Variants in NBR1 observed in about 807,000 individuals in gnomAD.
NBR1 encodes the protein next to BRCA1 gene 1 protein.
A neutral mutation model predicts 115.5 loss-of-function variants in NBR1; 59 were observed. The observed-to-expected ratio is 0.51, with a 90% CI of 0.41 to 0.63. The LOEUF (loss-of-function observed/expected upper bound fraction) is 0.63. Among genes scored for constraint, NBR1 ranks in the 30% least tolerant of loss-of-function variants. The pLI, the probability that NBR1 is intolerant of heterozygous loss-of-function variation, is 0.00. For synonymous variants in NBR1, 373 were observed against 414.7 expected (o/e 0.90, Z 1.22); for missense variants, 1,043 against 1,150.5 (o/e 0.91, Z 1.35).
chr17:43,194,978 T>C lies in NBR1; in HGVS notation c.1689T>C (p.Phe563=). 1 of 1,610,824 alleles carries C rather than the reference T, an allele frequency of 6.2e-7. No individual in the cohort carries two copies. Among genetic ancestry groups the C allele is most frequent in the Non-Finnish European group, 8.5e-7 (1 of 1,177,048 alleles). Residue 563 remains phenylalanine (F), a synonymous_variant, in exon 14 of 21, where the codon TTT becomes TTC. Transcript: ENST00000590996. The part of the protein sequence containing the change: ...DLLTAQDLLS[F]ELLDINIVQE... ...TTTTTTTATAGGACCTGCTGTCCTT[T>C]GAGCTGTTGGATATAAACATTGTTC...
In NBR1 at chr17:43,203,746, C is replaced by T. The variant is rs1480082037; in HGVS notation, c.2687C>T (p.Ala896Val). Residue 896 changes from alanine to valine, a missense_variant, in exon 20 of 21, where the codon GCA (alanine) becomes GTA (valine). Coordinates refer to ENST00000590996, the MANE Select transcript of NBR1 (RefSeq NM_005899.5). ...GGGGCTTTGTCTGTTGCTGCCTCTG[C>T]ATACAAGGCCCTGTTTGCTGGGCCA... Reference protein sequence around the residue: ...VKGALSVAASAYKALFAGPPV... With the variant: ...VKGALSVAASVYKALFAGPPV... The T allele has an allele frequency of 2.4e-5, 39 of 1,606,654 alleles. No individual in the cohort carries two copies. Among genetic ancestry groups the T allele is most frequent in the Non-Finnish European group, 3.3e-5 (39 of 1,176,352 alleles).
chr17:43,175,377 A>T (rs1486875608), intron 1 of NBR1, among the ~76,000 whole-genome samples: 2 of 152,204 alleles, frequency 1.3e-5, no homozygotes, highest in African/African-American at 4.8e-5. Context: ...ATGTCCTGCT[A>T]CTAGTAAGTA....
intron 16 of NBR1, among the ~76,000 whole-genome samples, chr17:43,198,425 C>T (rs891792295): frequency 6.6e-6 from 1 of 151,232 alleles, no homozygotes; most frequent in Non-Finnish European, 1.5e-5. Flanking sequence ...GAGGCCGAGG[C>T]GGACAGATCA....
chr17:43,174,233 C>T (rs1190930648), intron 1 of NBR1, among the ~76,000 whole-genome samples: 1 of 152,052 alleles, frequency 6.6e-6, no homozygotes, highest in South Asian at 2.1e-4. Flanking sequence ...AAGAAGCTAG[C>T]TTATGGGTCC....
At chr17:43,191,846 G>A (rs2056954401) in intron 10 of NBR1, among the ~76,000 whole-genome samples, 1 of 151,886 alleles carries the variant, frequency 6.6e-6, no homozygotes, top group South Asian at 2.1e-4. Flanking sequence ...TCAGCCTCCT[G>A]AGTAGCTGGG....
intron 20 of NBR1, 132 bp downstream of exon 20, chr17:43,203,918 C>T (rs957036195): frequency 3.4e-5 from 16 of 467,756 alleles, no homozygotes; most frequent in Non-Finnish European, 6.0e-5. Context: ...CTTTAGTTAA[C>T]ACACAACACA....
In NBR1 at chr17:43,189,689, A is replaced by T. The variant is rs1308301370; in HGVS notation, c.582A>T (p.Glu194Asp). Residue 194 changes from glutamate to aspartate, a missense_variant, in exon 8 of 21, where the codon GAA (glutamate) becomes GAT (aspartate). Glu to Asp is a conservative substitution (Grantham distance 45). Coordinates refer to ENST00000590996, the MANE Select transcript of NBR1 (RefSeq NM_005899.5). ...CATCCTTGGGTTCTTGTCCCTCAGA[A>T]GTCTCAATGCCTACTTCAGAAGAAA... ...QNPSLGSCPS[E>D]VSMPTSEETL... 6.2e-7 allele frequency: 1 copy of T among 1,613,992 alleles called. No individual in the cohort carries two copies. The highest frequency in any genetic ancestry group is 2.2e-5 in the East Asian group (1 of 44,888).
rs373709226 is a variant in NBR1 at position 43,177,927 on chromosome 17, C to G, written c.103-9C>G. On this transcript the variant is annotated splice_polypyrimidine_tract_variant and intron_variant, in intron 2 of 20. Transcript: ENST00000590996. ...ATAACCTGCCTTTAAATATGTATCTCTTTTATAGGTAAAAGTTTCATTTGA... is the reference window on the plus strand; with the variant it reads ...ATAACCTGCCTTTAAATATGTATCTGTTTTATAGGTAAAAGTTTCATTTGA... The G allele has an allele frequency of 8.9e-5, 135 of 1,518,764 alleles. No homozygotes were observed. In the South Asian group the frequency reaches 1.5e-3, roughly 17 times the overall value. 94.1% of individuals were successfully genotyped at this position (1,518,764 alleles called of 1,614,324 possible). A position where few individuals can be genotyped will look rare whatever the true frequency, so the allele number is the denominator to read the frequency against.
intron 20 of NBR1, chr17:43,209,507 T>G (rs1194257903): frequency 1.4e-6 from 2 of 1,417,880 alleles, no homozygotes; most frequent in Non-Finnish European, 1.9e-6. Flanking sequence ...AGTAACACTT[T>G]TATCTTGCTC....
intron 16 of NBR1, 58 bp from the exon 17 acceptor site, chr17:43,200,109 A>T (rs2057161251): frequency 1.5e-6 from 2 of 1,349,218 alleles, no homozygotes; most frequent in African/African-American, 2.9e-5. Flanking sequence ...CCAAGTAAGG[A>T]TAGTACTTAG....
At chr17:43,182,589 A>G (rs778450810) in intron 5 of NBR1, among the ~76,000 whole-genome samples, 2 of 150,926 alleles carry the variant, frequency 1.3e-5, no homozygotes, top group Non-Finnish European at 2.9e-5. Flanking sequence ...CACTTTTTGG[A>G]CATGGAATGC....
At chr17:43,203,059 G>C (rs568787356) in intron 19 of NBR1, among the ~76,000 whole-genome samples, 1 of 152,084 alleles carries the variant, frequency 6.6e-6, no homozygotes, top group East Asian at 1.9e-4. Context: ...AGGAGGCTGA[G>C]GTGGGAGAAT....
intron 19 of NBR1, 91 bp downstream of exon 19, chr17:43,202,803 T>C: frequency 3.0e-6 from 3 of 1,008,784 alleles, no homozygotes; most frequent in Admixed American, 4.5e-5. Flanking sequence ...TATGTACCCA[T>C]CTTCAGAGAG....
intron 16 of NBR1, among the ~76,000 whole-genome samples, chr17:43,197,439 A>C (rs917057090): frequency 6.6e-6 from 1 of 151,978 alleles, no homozygotes; most frequent in Non-Finnish European, 1.5e-5. Flanking sequence ...GAATGGCATG[A>C]ACCCGGGAGG....
intron 6 of NBR1, among the ~76,000 whole-genome samples, chr17:43,187,327 C>T (rs2056832986): frequency 7.9e-5 from 12 of 151,898 alleles, no homozygotes; most frequent in Admixed American, 7.9e-4. Context: ...ACTATAGGCA[C>T]CTGCCACTAC....
rs752435681 is a variant in NBR1, at chr17:43,209,510, T to C, written c.2728-391T>C. 5.6e-6 allele frequency: 8 copies of C among 1,423,098 alleles called. 1 individual carries two copies. The South Asian group carries it at 9.8e-5, about 17-fold the overall frequency. The allele number at this position is 1,423,098 out of a possible 1,614,324, so 88.2% of individuals were successfully genotyped here. On this transcript the variant is annotated intron_variant, in intron 20 of 20. Transcript: ENST00000590996. ...ATAGCATCTTTCAGTAACACTTTTATCTTGCTCATACTTCCCCCATCATCA... is the reference window on the plus strand; with the variant it reads ...ATAGCATCTTTCAGTAACACTTTTACCTTGCTCATACTTCCCCCATCATCA...
intron 16 of NBR1, among the ~76,000 whole-genome samples, chr17:43,199,040 C>T (rs1598005391): frequency 6.6e-6 from 1 of 151,592 alleles, no homozygotes; most frequent in Non-Finnish European, 1.5e-5. Context: ...TCTGGAAAGA[C>T]AGTACCAAAA....
In NBR1 at chr17:43,211,671, T is replaced by C. The variant is rs1310073408; in HGVS notation, c.*1597T>C. On this transcript the variant is annotated 3_prime_UTR_variant, in exon 21 of 21. Transcript: ENST00000590996. ...ACCACCTAAAGAATGGTGAAATAAA[T>C]GTTCTTGGAAATTCCTACCCGGACT... 1.3e-5 allele frequency: 2 copies of C among 152,104 alleles called. No homozygotes were observed. The highest frequency in any genetic ancestry group is 4.8e-5 in the African/African-American group (2 of 41,410). The allele number at this position is 152,104 out of a possible 1,614,324, so 9.4% of individuals were successfully genotyped here. A position where few individuals can be genotyped will look rare whatever the true frequency, so the allele number is the denominator to read the frequency against.
At chr17:43,206,186 A>AG (rs1408494410) in intron 20 of NBR1, among the ~76,000 whole-genome samples, 2 of 151,742 alleles carry the variant, frequency 1.3e-5, no homozygotes, top group East Asian at 3.9e-4. Flanking sequence ...AAAAAAAAAA[A>AG]AAAAGAAAAA....
Sources: gnomAD v4.1 joint callset for allele counts (sites outside exome capture counted in the v4.1 genomes callset) on GRCh38, gnomAD v4.1.1 for gene constraint, MANE v1.5 for transcripts, NCBI Gene and HGNC (gene_info 2026-07-23, HGNC 2026-07-21) for gene names.